TRIM33: variants seen among roughly 807,000 people sequenced by gnomAD.
TRIM33 encodes E3 ubiquitin-protein ligase TRIM33.
TRIM33 carries 20 observed loss-of-function variants against 125.4 expected under a neutral mutation model. That is an observed-to-expected ratio of 0.16 (90% CI 0.11 to 0.23). The LOEUF (loss-of-function observed/expected upper bound fraction) is 0.23. Ranked by LOEUF, TRIM33 falls within the 10% of genes least tolerant of loss-of-function variation. The pLI is 1.00. For synonymous variants in TRIM33, 564 were observed against 513.9 expected, an observed-to-expected ratio of 1.10 and a Z score of -1.32; for missense variants, 920 against 1,411.4, an observed-to-expected ratio of 0.65 and a Z score of 5.58.
chr1:114,423,876 T>C, intron 10 of TRIM33, among the ~76,000 whole-genome samples: 1 of 152,194 alleles, frequency 6.6e-6, no homozygotes, highest in Admixed American at 6.5e-5. Flanking sequence ...TCAGTGGTTA[T>C]GGCTAGGAAT....
chr1:114,490,302 C>T (rs534839862), intron 1 of TRIM33, among the ~76,000 whole-genome samples: 26 of 152,214 alleles, frequency 1.7e-4, no homozygotes, highest in African/African-American at 5.8e-4. Context: ...TGCTCAACGT[C>T]ATTAGCCACA....
intron 1 of TRIM33, among the ~76,000 whole-genome samples, chr1:114,499,516 T>C (rs1456295862): frequency 2.0e-5 from 3 of 152,128 alleles, no homozygotes; most frequent in African/African-American, 7.2e-5. Context: ...CACACCCACA[T>C]TGTGTATAAT....
At chr1:114,503,798 A>T (rs1472759893) in intron 1 of TRIM33, among the ~76,000 whole-genome samples, 4 of 152,350 alleles carry the variant, frequency 2.6e-5, no homozygotes, top group African/African-American at 9.6e-5. Context: ...GGCTCAATTC[A>T]TTCACTTCTG....
At position 114,406,894 on chromosome 1, in the gene TRIM33, A is replaced by G. The variant is rs747412129; in HGVS notation, c.2418+47T>C. The G allele has an allele frequency of 6.3e-6, 10 of 1,575,412 alleles. No individual in the cohort carries two copies. The Admixed American group carries it at 8.8e-5, about 14-fold the overall frequency. On this transcript the variant is annotated intron_variant, in intron 14 of 19. Coordinates refer to ENST00000358465, the MANE Select transcript of TRIM33 (RefSeq NM_015906.4). ...AATATACTCAGAGCTGAAAGAATCA[A>G]TGAAGTGATGTCCTTAAGTCCCTGT...
chr1:114,467,811 T>C (rs1212923000), intron 1 of TRIM33, among the ~76,000 whole-genome samples: 1 of 152,214 alleles, frequency 6.6e-6, no homozygotes, highest in Non-Finnish European at 1.5e-5. Flanking sequence ...ATCTTTTCAT[T>C]TAGCCCTAGC....
intron 1 of TRIM33, chr1:114,469,069 A>G: frequency 4.2e-6 from 1 of 237,114 alleles, no homozygotes; most frequent in Non-Finnish European, 8.3e-6. Context: ...CCAATTTGTA[A>G]TCAAAGAAGA....
chr1:114,493,496 G>C (rs758235712), intron 1 of TRIM33, among the ~76,000 whole-genome samples: 1 of 152,150 alleles, frequency 6.6e-6, no homozygotes, highest in Non-Finnish European at 1.5e-5. Context: ...TGTTGCCCAA[G>C]CTGATCTCAA....
chr1:114,503,338 A>G (rs527430779), intron 1 of TRIM33, among the ~76,000 whole-genome samples: 8 of 152,186 alleles, frequency 5.3e-5, no homozygotes, highest in African/African-American at 1.9e-4. Flanking sequence ...AAAATTAGCC[A>G]GGCATGGTAG....
intron 1 of TRIM33, among the ~76,000 whole-genome samples, chr1:114,505,780 C>G (rs936425510): frequency 1.4e-4 from 21 of 152,160 alleles, no homozygotes; most frequent in Admixed American, 6.6e-5. Context: ...GTTGGCCAGG[C>G]TGATCTCGAA....
intron 1 of TRIM33, among the ~76,000 whole-genome samples, chr1:114,497,151 T>C (rs1652415055): frequency 6.6e-6 from 1 of 152,244 alleles, no homozygotes; most frequent in African/African-American, 2.4e-5. Flanking sequence ...ATCACTGCAA[T>C]TTGTAATGTA....
rs115913698 is a variant in TRIM33 at position 114,463,464 on chromosome 1, T to C, written c.738A>G (p.Gln246=). The change falls in exon 3 of 20, where the codon CAA becomes CAG. Residue 246 remains glutamine (Q), a synonymous_variant. Transcript: ENST00000358465. ...WLCKTCIEAH[Q]RVKFTKDHLI... Reference sequence around the variant, plus strand: ...AGTGATCTTTAGTAAATTTTACTCTTTGATGTGCTTCGATACATGTCTTAC... The same window carrying C: ...AGTGATCTTTAGTAAATTTTACTCTCTGATGTGCTTCGATACATGTCTTAC... 6 of 1,613,330 alleles carry C rather than the reference T, an allele frequency of 3.7e-6. No individual in the cohort carries two copies. In the South Asian group the frequency reaches 5.5e-5, roughly 15 times the overall value.
At chr1:114,463,618 A>G in intron 2 of TRIM33, 62 bp from the exon 3 acceptor site, 1 of 1,089,600 alleles carries the variant, frequency 9.2e-7, no homozygotes, top group Admixed American at 2.3e-5. Context: ...TAAAAAAAAA[A>G]AAAAACTTGT....
chr1:114,459,396 A>T (rs1021941613), intron 4 of TRIM33, among the ~76,000 whole-genome samples: 2 of 152,182 alleles, frequency 1.3e-5, no homozygotes, highest in Admixed American at 6.5e-5. Context: ...TCCACCACAG[A>T]GTGTTGTGGA....
chr1:114,463,606 T>C (rs1264038831), intron 2 of TRIM33, 50 bp from the exon 3 acceptor site: 4 of 1,069,402 alleles, frequency 3.7e-6, no homozygotes, highest in Non-Finnish European at 5.4e-6. Flanking sequence ...AAAATCTAGA[T>C]CTAAAAAAAA....
At chr1:114,480,349 C>T (rs1184124254) in intron 1 of TRIM33, among the ~76,000 whole-genome samples, 2 of 151,970 alleles carry the variant, frequency 1.3e-5, no homozygotes, top group South Asian at 2.1e-4. Flanking sequence ...TTCGGAAGGC[C>T]GCAGGGTCCT....
intron 4 of TRIM33, among the ~76,000 whole-genome samples, chr1:114,443,248 G>A (rs757349556): frequency 5.5e-4 from 84 of 152,122 alleles, no homozygotes; most frequent in Non-Finnish European, 1.1e-3. Context: ...GCCAGGTGTG[G>A]TGGCATGCAC....
intron 1 of TRIM33, among the ~76,000 whole-genome samples, chr1:114,499,135 C>T (rs762979986): frequency 1.3e-5 from 2 of 152,056 alleles, no homozygotes; most frequent in Non-Finnish European, 2.9e-5. Flanking sequence ...AAAGTTTTAA[C>T]CCAGAATTTC....
intron 1 of TRIM33, among the ~76,000 whole-genome samples, chr1:114,476,839 C>G (rs1200092896): frequency 6.6e-6 from 1 of 151,874 alleles, no homozygotes; most frequent in Non-Finnish European, 1.5e-5. Flanking sequence ...GAAGACGTTG[C>G]CATTTTAAAA....
chr1:114,503,412 A>T (rs1371793569), intron 1 of TRIM33, among the ~76,000 whole-genome samples: 1 of 152,212 alleles, frequency 6.6e-6, no homozygotes, highest in African/African-American at 2.4e-5. Context: ...CAGGAGGCGG[A>T]GGTCGCGGTG....
Sources: allele counts gnomAD v4.1 joint callset (sites outside exome capture counted in the v4.1 genomes callset), GRCh38; gene constraint gnomAD v4.1.1; transcripts MANE v1.5; gene names NCBI Gene and HGNC (gene_info 2026-07-23, HGNC 2026-07-21).